TSPAN5: variants seen among roughly 807,000 people sequenced by gnomAD.
TSPAN5 encodes the protein tetraspanin 5.
A neutral mutation model predicts 37.1 loss-of-function variants in TSPAN5; 10 were observed. The ratio of observed to expected loss-of-function variants is 0.27; its 90% CI spans 0.17 to 0.46. The LOEUF is 0.46. Ranked by LOEUF, TSPAN5 falls within the 20% of genes least tolerant of loss-of-function variation. The pLI, the probability that TSPAN5 is intolerant of heterozygous loss-of-function variation, is 1.00. For missense variants in TSPAN5, 195 were observed against 326.6 expected, an observed-to-expected ratio of 0.60 and a Z score of 3.11; for synonymous variants, 110 against 118.9, an observed-to-expected ratio of 0.93 and a Z score of 0.48.
intron 3 of TSPAN5, among the ~76,000 whole-genome samples, chr4:98,485,762 C>CTTTT (rs766494512): frequency 1.0e-4 from 9 of 86,584 alleles, no homozygotes; most frequent in Non-Finnish European, 1.6e-4. Flanking sequence ...CTTGGATATG[C>CTTTT]TTTTTTTTTT....
chr4:98,518,677 G>C (rs1483761151), intron 1 of TSPAN5, among the ~76,000 whole-genome samples: 1 of 152,262 alleles, frequency 6.6e-6, no homozygotes, highest in Non-Finnish European at 1.5e-5. Context: ...GGAGCAGAGA[G>C]AGCCAGACAA....
rs902802293 is a variant in TSPAN5, at chr4:98,594,147, T to C, written c.81+63999A>G. Among the ~76,000 whole-genome samples, 115 of 122,540 alleles carry C rather than the reference T, an allele frequency of 9.4e-4. 5 individuals carry two copies. Among genetic ancestry groups the C allele is most frequent in the Non-Finnish European group, 1.5e-3 (91 of 61,596 alleles). 80.4% of individuals were successfully genotyped at this position (122,540 alleles called of 152,430 possible). A position where few individuals can be genotyped will look rare whatever the true frequency, so the allele number is the denominator to read the frequency against. ...TGGTTTGTAGTTCTCCTTGAAGAGGTCCTTCACATCCCTTGTAAGTTGGAT... is the reference window on the plus strand; with the variant it reads ...TGGTTTGTAGTTCTCCTTGAAGAGGCCCTTCACATCCCTTGTAAGTTGGAT... On this transcript the variant is annotated intron_variant, in intron 1 of 7. Coordinates refer to ENST00000305798, the MANE Select transcript of TSPAN5 (RefSeq NM_005723.4).
rs114633289 is a variant in TSPAN5, at chr4:98,476,935, G to A, written c.577-475C>T. ...TAATTAAAAAACAAAACAATGCCCC[G>A]ACCACATAATCACACAGACAACCTG... On this transcript the variant is annotated intron_variant, in intron 5 of 7. Coordinates refer to ENST00000305798, the MANE Select transcript of TSPAN5 (RefSeq NM_005723.4). 5.1e-3 allele frequency among the ~76,000 whole-genome samples: 780 copies of A among 152,230 alleles called. 10 individuals are homozygous for A. Among genetic ancestry groups the A allele is most frequent in the African/African-American group, 0.018 (740 of 41,532 alleles).
At chr4:98,590,341 A>C (rs148488213) in intron 1 of TSPAN5, among the ~76,000 whole-genome samples, 1 of 152,264 alleles carries the variant, frequency 6.6e-6, no homozygotes, top group Non-Finnish European at 1.5e-5. Flanking sequence ...ACTCTCACTT[A>C]TTTCATCTCA....
intron 1 of TSPAN5, among the ~76,000 whole-genome samples, chr4:98,605,323 A>G (rs17027831): frequency 0.041 from 6,302 of 152,240 alleles, 147 homozygotes; most frequent in South Asian, 0.058. Flanking sequence ...CTAAGGTTCA[A>G]TTGTGGGGGC....
At chr4:98,480,697 G>A (rs573208064) in intron 4 of TSPAN5, among the ~76,000 whole-genome samples, 3 of 152,248 alleles carry the variant, frequency 2.0e-5, no homozygotes, top group Non-Finnish European at 4.4e-5. Flanking sequence ...CATGCATTTC[G>A]AGGTGTGTCC....
intron 1 of TSPAN5, among the ~76,000 whole-genome samples, chr4:98,571,918 GGAGA>G (rs1385736149): frequency 6.6e-6 from 1 of 152,076 alleles, no homozygotes; most frequent in Non-Finnish European, 1.5e-5. Context: ...GTCCGGTGGT[GGAGA>G]GAGACAAGAA....
chr4:98,585,617 C>A (rs1250955101), intron 1 of TSPAN5, among the ~76,000 whole-genome samples: 1 of 152,164 alleles, frequency 6.6e-6, no homozygotes, highest in Admixed American at 6.5e-5. Context: ...GCCTATTATT[C>A]CACTCTCTAT....
At chr4:98,533,541 A>ATTTTTTTTTTTTTTTTTTT (rs1754149539) in intron 1 of TSPAN5, among the ~76,000 whole-genome samples, 1 of 33,418 alleles carries the variant, frequency 3.0e-5, no homozygotes, top group African/African-American at 2.4e-4. Flanking sequence ...TATCCCCTAT[A>ATTTTTTTTTTTTTTTTTTT]TCTTTTTTTT....
At chr4:98,571,549 T>C (rs756597187) in intron 1 of TSPAN5, among the ~76,000 whole-genome samples, 2 of 151,324 alleles carry the variant, frequency 1.3e-5, no homozygotes, top group African/African-American at 2.4e-5. Context: ...TATTATACCA[T>C]TCTGGGTGAG....
At chr4:98,550,066 AT>A (rs1754572259) in intron 1 of TSPAN5, among the ~76,000 whole-genome samples, 1 of 152,114 alleles carries the variant, frequency 6.6e-6, no homozygotes, top group East Asian at 1.9e-4. Context: ...ATTTTTGTAT[AT>A]GATAAGAGGT....
chr4:98,557,577 T>C (rs1261132354), intron 1 of TSPAN5, among the ~76,000 whole-genome samples: 1 of 152,222 alleles, frequency 6.6e-6, no homozygotes. Flanking sequence ...GAATTCCAAA[T>C]AATTTATGTA....
intron 3 of TSPAN5, chr4:98,485,116 A>T (rs1453467837): frequency 1.4e-5 from 1 of 72,978 alleles, no homozygotes; most frequent in Non-Finnish European, 3.9e-5. Context: ...TCCATCTAAA[A>T]AAAAAAAAAA....
At chr4:98,492,331 A>C (rs773079892) in intron 2 of TSPAN5, among the ~76,000 whole-genome samples, 3 of 152,176 alleles carry the variant, frequency 2.0e-5, no homozygotes, top group Non-Finnish European at 4.4e-5. Context: ...CTCAAGAAGA[A>C]ACAAAGAACA....
At chr4:98,588,822 T>C (rs1225987363) in intron 1 of TSPAN5, among the ~76,000 whole-genome samples, 1 of 152,228 alleles carries the variant, frequency 6.6e-6, no homozygotes, top group Non-Finnish European at 1.5e-5. Context: ...GTTGAAATAA[T>C]GTCATTGAGT....
At chr4:98,499,513 C>A (rs549601295) in intron 2 of TSPAN5, among the ~76,000 whole-genome samples, 3 of 152,216 alleles carry the variant, frequency 2.0e-5, no homozygotes, top group Non-Finnish European at 4.4e-5. Context: ...AGAAACCCCA[C>A]TGAATACAGT....
chr4:98,473,528 C>T (rs1161626291), intron 7 of TSPAN5, among the ~76,000 whole-genome samples: 6 of 150,398 alleles, frequency 4.0e-5, no homozygotes, highest in East Asian at 2.0e-4. Flanking sequence ...GGCGCAATCT[C>T]GGCTCACTGC....
At chr4:98,513,397 G>A (rs948403929) in intron 1 of TSPAN5, among the ~76,000 whole-genome samples, 1 of 152,086 alleles carries the variant, frequency 6.6e-6, no homozygotes, top group Admixed American at 6.6e-5. Flanking sequence ...GATCTGGGCC[G>A]CAGAAAAGAT....
At chr4:98,539,875 G>A (rs1457516115) in intron 1 of TSPAN5, among the ~76,000 whole-genome samples, 3 of 152,282 alleles carry the variant, frequency 2.0e-5, no homozygotes, top group South Asian at 2.1e-4. Flanking sequence ...TCTCTAGTGC[G>A]TGTTCTCTCT....
Sources: allele counts gnomAD v4.1 joint callset (sites outside exome capture counted in the v4.1 genomes callset), GRCh38; gene constraint gnomAD v4.1.1; transcripts MANE v1.5; gene names NCBI Gene and HGNC (gene_info 2026-07-23, HGNC 2026-07-21).